The following ARHGEF18 variants were observed in gnomAD, a reference collection of about 807,000 sequenced individuals.
The protein encoded by ARHGEF18 is Rho/Rac guanine nucleotide exchange factor 18.
Under a neutral mutation model 155.7 loss-of-function variants are expected in ARHGEF18, and 93 were observed. The observed-to-expected ratio is 0.60, with a 90% CI of 0.50 to 0.71. ARHGEF18 has a LOEUF of 0.71. ARHGEF18 is among the 30% of genes least tolerant of loss of function. ARHGEF18 has a pLI of 0.00. For synonymous variants in ARHGEF18, 742 were observed against 753.1 expected (o/e 0.99, Z 0.24); for missense variants, 1,593 against 1,816.1 (o/e 0.88, Z 2.23).
intron 10 of ARHGEF18, among the ~76,000 whole-genome samples, chr19:7,409,756 C>A (rs995644135): frequency 7.7e-6 from 1 of 130,612 alleles, no homozygotes. Flanking sequence ...AGGGGTTTTT[C>A]TTTCTTTCTT....
At chr19:7,408,794 C>T (rs924434282) in intron 10 of ARHGEF18, among the ~76,000 whole-genome samples, 1 of 152,176 alleles carries the variant, frequency 6.6e-6, no homozygotes, top group African/African-American at 2.4e-5. Context: ...TGTAATCTCA[C>T]ACTTTGGGAG....
intron 10 of ARHGEF18, among the ~76,000 whole-genome samples, chr19:7,411,255 C>A (rs957876266): frequency 9.9e-5 from 12 of 121,264 alleles, no homozygotes; most frequent in African/African-American, 3.3e-4. Flanking sequence ...CCTACCTCTT[C>A]CCCTTCCCCT....
At chr19:7,409,534 TCTC>T (rs1297035572) in intron 10 of ARHGEF18, among the ~76,000 whole-genome samples, 2 of 150,954 alleles carry the variant, frequency 1.3e-5, no homozygotes, top group African/African-American at 4.9e-5. Context: ...TTCAAGCTAT[TCTC>T]CTGCCTCAGC....
intron 2 of ARHGEF18, among the ~76,000 whole-genome samples, chr19:7,369,883 C>T (rs113280411): frequency 0.017 from 2,520 of 151,998 alleles, 26 homozygotes; most frequent in South Asian, 0.051. Flanking sequence ...GGAGACAGAG[C>T]GAGATGCCGT....
intron 23 of ARHGEF18, among the ~76,000 whole-genome samples, chr19:7,465,096 G>T (rs1350733149): frequency 1.3e-5 from 2 of 152,214 alleles, no homozygotes; most frequent in Admixed American, 1.3e-4. Flanking sequence ...CCAGGTCAGG[G>T]GGTCAGAGGC....
intron 10 of ARHGEF18, among the ~76,000 whole-genome samples, chr19:7,385,823 A>ATCTCTCTCTCTCTCTCTC (rs1288367668): frequency 6.8e-5 from 5 of 73,782 alleles, no homozygotes; most frequent in African/African-American, 3.1e-4. Context: ...GATAGGATCT[A>ATCTCTCTCTCTCTCTCTC]TCTCTCTCTA....
At chr19:7,452,446 G>A (rs1040994910) in intron 16 of ARHGEF18, among the ~76,000 whole-genome samples, 37 of 151,974 alleles carry the variant, frequency 2.4e-4, no homozygotes, top group African/African-American at 8.7e-4. Flanking sequence ...GGAGGTGGAG[G>A]GAATCTAATT....
At chr19:7,422,280 G>A (rs1276701263) in intron 10 of ARHGEF18, among the ~76,000 whole-genome samples, 2 of 151,426 alleles carry the variant, frequency 1.3e-5, no homozygotes, top group South Asian at 2.1e-4. Flanking sequence ...CGCATGCCCC[G>A]CCCAGCCTGC....
intron 26 of ARHGEF18, 26 bp downstream of exon 26, chr19:7,467,710 C>A: frequency 1.4e-6 from 2 of 1,458,354 alleles, no homozygotes; most frequent in South Asian, 2.7e-5. Flanking sequence ...CCAGTGTGCG[C>A]AGGTTGGGGG....
chr19:7,410,112 C>A (rs183967397), intron 10 of ARHGEF18, among the ~76,000 whole-genome samples: 1 of 152,000 alleles, frequency 6.6e-6, no homozygotes, highest in African/African-American at 2.4e-5. Flanking sequence ...CTAAGGTTCA[C>A]CAGCCCTGAC....
At chr19:7,460,048 T>G in intron 20 of ARHGEF18, 54 bp downstream of exon 20, 209 of 1,467,828 alleles carry the variant, frequency 1.4e-4, no homozygotes, top group Non-Finnish European at 1.8e-4. Flanking sequence ...CCCTGGGCCC[T>G]CCATCAGGAC....
chr19:7,428,535 T>A (rs1329569567), intron 10 of ARHGEF18, among the ~76,000 whole-genome samples: 4 of 152,074 alleles, frequency 2.6e-5, no homozygotes, highest in African/African-American at 9.7e-5. Flanking sequence ...TTTTTTTTTT[T>A]AAGTGGAACT....
At chr19:7,355,525 C>A in intron 1 of ARHGEF18, 2 of 729,464 alleles carry the variant, frequency 2.7e-6, no homozygotes, top group Non-Finnish European at 3.4e-6. Flanking sequence ...ATGTATCTGG[C>A]AGACCTTGGA....
chr19:7,375,270 T>G (rs1437457654), intron 3 of ARHGEF18, among the ~76,000 whole-genome samples: 2 of 72,606 alleles, frequency 2.8e-5, no homozygotes, highest in African/African-American at 8.3e-5. Context: ...AGACTCTGTC[T>G]CAAAAAAAAA....
rs1254205976 is a variant in ARHGEF18 at position 7,463,600 on chromosome 19, CACTT to C, written c.2636-216_2636-213del. Among the ~76,000 whole-genome samples the C allele has an allele frequency of 6.6e-6, 1 of 152,230 alleles. No individual in the cohort carries two copies. The highest frequency in any genetic ancestry group is 1.5e-5 in the Non-Finnish European group (1 of 68,034). On this transcript the variant is annotated intron_variant, in intron 21 of 28. Coordinates refer to ENST00000668164, the MANE Select transcript of ARHGEF18 (RefSeq NM_001367823.1). The surrounding 1 kb of genome is among the most constrained non-coding windows in gnomAD (Gnocchi z 5.2). Reference sequence around the variant, plus strand: ...TGGCTGCCCCACAGCCCTGTCCTCTCACTTAGACGCAGATTGGCCTGTCCTGGTG... The same window carrying C: ...TGGCTGCCCCACAGCCCTGTCCTCTCAGACGCAGATTGGCCTGTCCTGGTG...
intron 10 of ARHGEF18, among the ~76,000 whole-genome samples, chr19:7,398,347 A>T (rs1030206242): frequency 6.6e-6 from 1 of 152,112 alleles, no homozygotes; most frequent in African/African-American, 2.4e-5. Context: ...CTGAGATTAC[A>T]TGCATGAGCC....
chr19:7,450,756 C>T, intron 15 of ARHGEF18, among the ~76,000 whole-genome samples: 1 of 140,992 alleles, frequency 7.1e-6, no homozygotes, highest in East Asian at 2.2e-4. Flanking sequence ...AATGCGGGAT[C>T]TTGCTGTCCG....
chr19:7,464,636 C>CTT lies in ARHGEF18; in HGVS notation c.2851_2852dup (p.Leu951PhefsTer2), dbSNP rs1227214337. On this transcript the variant is annotated frameshift_variant, in exon 23 of 29. Transcript: ENST00000668164. LOFTEE classifies it high-confidence loss of function. The stretch of plus-strand genomic sequence containing the variant: ...GGCGAGGCCCCCCAAACAGCCCGGA[C>CTT]TTGAAGCTCAGTGACAGTGACATTC... 1 of 1,614,002 alleles carries CTT rather than the reference C, an allele frequency of 6.2e-7. No individual in the cohort carries two copies. Among genetic ancestry groups the CTT allele is most frequent in the Admixed American group, 1.7e-5 (1 of 60,008 alleles).
Position 7,395,157 on chromosome 19 carries a change from G to A in ARHGEF18, c.967+11954G>A. 1 of 985,818 alleles carries A rather than the reference G, an allele frequency of 1.0e-6. No individual in the cohort carries two copies. Among genetic ancestry groups the A allele is most frequent in the Non-Finnish European group, 1.2e-6 (1 of 830,206 alleles). The allele number at this position is 985,818 out of a possible 1,614,324, so 61.1% of individuals were successfully genotyped here. ...CCGGCTCCCAGCTGCTAGCTACTGT[G>A]GATCTGGGGGGGCCGGACGGAGGCA... On this transcript the variant is annotated intron_variant, in intron 10 of 28. Transcript: ENST00000668164. This position sits in a 1 kb window ranked among gnomAD's most constrained non-coding sequence, Gnocchi z 5.0.
Sources: allele counts gnomAD v4.1 joint callset (sites outside exome capture counted in the v4.1 genomes callset), GRCh38; gene constraint gnomAD v4.1.1; non-coding constraint Gnocchi (gnomAD v3.1); transcripts MANE v1.5; gene names NCBI Gene and HGNC (gene_info 2026-07-23, HGNC 2026-07-21).